Variants in SLC25A21 observed in about 807,000 individuals in gnomAD.
The protein encoded by SLC25A21 is mitochondrial 2-oxodicarboxylate carrier.
A neutral mutation model predicts 43.8 loss-of-function variants in SLC25A21; 47 were observed. That is an observed-to-expected ratio of 1.07 (90% CI 0.85 to 1.37). The LOEUF is 1.37. Ranked by LOEUF, SLC25A21 falls within the 40% of genes most tolerant of loss-of-function variation. The probability of loss-of-function intolerance (pLI) is 0.00; values close to 1 mark genes in which losing one functional copy is unlikely to be tolerated. For synonymous variants in SLC25A21, 131 were observed against 121.3 expected, an observed-to-expected ratio of 1.08 and a Z score of -0.52; for missense variants, 352 against 350.2, an observed-to-expected ratio of 1.00 and a Z score of -0.04.
chr14:37,100,726 T>C (rs944580340), intron 1 of SLC25A21, among the ~76,000 whole-genome samples: 8 of 152,194 alleles, frequency 5.3e-5, no homozygotes, highest in African/African-American at 1.9e-4. Context: ...CAGCTGCACA[T>C]GGAGACAGCA....
intron 7 of SLC25A21, among the ~76,000 whole-genome samples, chr14:36,689,274 C>T (rs561352528): frequency 4.6e-5 from 7 of 152,306 alleles, no homozygotes; most frequent in African/African-American, 1.4e-4. Flanking sequence ...CATGGGAAAA[C>T]CTGCCTCCAT....
chr14:36,790,809 A>G (rs893163051), intron 3 of SLC25A21, among the ~76,000 whole-genome samples: 11 of 152,130 alleles, frequency 7.2e-5, no homozygotes, highest in Admixed American at 6.6e-4. Flanking sequence ...GGAATTTGGG[A>G]AGGTTGGACT....
intron 6 of SLC25A21, among the ~76,000 whole-genome samples, chr14:36,716,376 TA>T (rs1431555646): frequency 6.6e-6 from 1 of 152,076 alleles, no homozygotes; most frequent in Admixed American, 6.5e-5. Flanking sequence ...TGTACTGTTT[TA>T]GGGATTTTTG....
Position 37,072,083 on chromosome 14 carries a change from G to A in SLC25A21, c.70+100198C>T, listed in dbSNP as rs201945527. Among the ~76,000 whole-genome samples, 16 of 147,516 alleles carry A rather than the reference G, an allele frequency of 1.1e-4. No individual in the cohort carries two copies. In the East Asian group the frequency reaches 2.6e-3, roughly 24 times the overall value. On this transcript the variant is annotated intron_variant, in intron 1 of 9. Coordinates refer to ENST00000331299, the MANE Select transcript of SLC25A21 (RefSeq NM_030631.4). ...TGTAATCCCAGCTACTCAGGAGGCC[G>A]AAGCAAGAGAATCACTTGAACCCAG...
At chr14:37,004,978 C>A (rs1391628743) in intron 1 of SLC25A21, among the ~76,000 whole-genome samples, 2 of 148,934 alleles carry the variant, frequency 1.3e-5, no homozygotes, top group Non-Finnish European at 3.0e-5. Flanking sequence ...GGCTGGAGTG[C>A]AGTGGCTTTA....
intron 2 of SLC25A21, among the ~76,000 whole-genome samples, chr14:36,834,363 C>T (rs1203191809): frequency 6.6e-6 from 1 of 152,152 alleles, no homozygotes; most frequent in Non-Finnish European, 1.5e-5. Flanking sequence ...TGGAGTCAGA[C>T]AGACCTGGGT....
chr14:36,714,091 A>G (rs1884010709), intron 6 of SLC25A21, among the ~76,000 whole-genome samples: 1 of 152,252 alleles, frequency 6.6e-6, no homozygotes, highest in Non-Finnish European at 1.5e-5. Flanking sequence ...GTCCACTGTA[A>G]ACAACTTAGT....
chr14:36,943,398 G>T (rs370544718), intron 1 of SLC25A21, among the ~76,000 whole-genome samples: 2 of 152,058 alleles, frequency 1.3e-5, no homozygotes, highest in South Asian at 4.2e-4. Flanking sequence ...CACCATGTTG[G>T]CCAGGCTGGT....
chr14:36,758,590 CAAAAA>C (rs11314165), intron 3 of SLC25A21, among the ~76,000 whole-genome samples: 5 of 127,690 alleles, frequency 3.9e-5, no homozygotes, highest in Admixed American at 8.2e-5. Context: ...TCAGCCAGGT[CAAAAA>C]AAAAAAAAAA....
chr14:36,898,343 A>G (rs1185670816), intron 1 of SLC25A21, among the ~76,000 whole-genome samples: 4 of 152,246 alleles, frequency 2.6e-5, no homozygotes, highest in African/African-American at 9.6e-5. Context: ...CAGGCACAGG[A>G]TATAATCTCC....
chr14:36,924,328 A>G (rs976873420), intron 1 of SLC25A21, among the ~76,000 whole-genome samples: 3 of 152,220 alleles, frequency 2.0e-5, no homozygotes, highest in African/African-American at 7.2e-5. Flanking sequence ...CATATACACC[A>G]TGGAATACTA....
chr14:37,034,055 C>A (rs1247093429), intron 1 of SLC25A21, among the ~76,000 whole-genome samples: 1 of 151,550 alleles, frequency 6.6e-6, no homozygotes, highest in Non-Finnish European at 1.5e-5. Context: ...CTCACTCTGT[C>A]GCCCAGGCTG....
chr14:36,907,348 T>TGTTG (rs138190273), intron 1 of SLC25A21, among the ~76,000 whole-genome samples: 8 of 152,162 alleles, frequency 5.3e-5, no homozygotes, highest in African/African-American at 1.2e-4. Context: ...TTGTTTGTTT[T>TGTTG]GTTGGTTGGT....
rs189901306 is a variant in SLC25A21 at position 36,988,910 on chromosome 14, G to C, written c.71-113906C>G. 2.7e-4 allele frequency among the ~76,000 whole-genome samples: 41 copies of C among 152,314 alleles called. No individual in the cohort carries two copies. In the East Asian group the frequency reaches 4.0e-3, roughly 15 times the overall value. On this transcript the variant is annotated intron_variant, in intron 1 of 9. Coordinates refer to ENST00000331299, the MANE Select transcript of SLC25A21 (RefSeq NM_030631.4). ...GCCAAACATCACATAGTTTGATAAT[G>C]ATGGGATGAAAATCTAGAATTATAG...
chr14:36,999,527 G>A (rs1375662094), intron 1 of SLC25A21, among the ~76,000 whole-genome samples: 2 of 152,122 alleles, frequency 1.3e-5, no homozygotes, highest in Admixed American at 1.3e-4. Context: ...TGATAATGAT[G>A]TGGCAATGTA....
At position 36,680,001 on chromosome 14, in the gene SLC25A21, T is replaced by TTAG; in HGVS notation, c.*656_*657insCTA. Reference sequence around the variant, plus strand: ...TTAAACAATGTTTTAAAATACCTATTTATTATCTTACAGCAATATGAGATA... The same window carrying TTAG: ...TTAAACAATGTTTTAAAATACCTATTTAGTATTATCTTACAGCAATATGAGATA... On this transcript the variant is annotated 3_prime_UTR_variant, in exon 10 of 10. Transcript: ENST00000331299. 2.5e-6 allele frequency: 2 copies of TTAG among 814,642 alleles called. No individual in the cohort carries two copies. Among genetic ancestry groups the TTAG allele is most frequent in the Non-Finnish European group, 2.8e-6 (2 of 702,120 alleles). 50.5% of individuals were successfully genotyped at this position (814,642 alleles called of 1,614,324 possible). A position where few individuals can be genotyped will look rare whatever the true frequency, so the allele number is the denominator to read the frequency against.
intron 1 of SLC25A21, among the ~76,000 whole-genome samples, chr14:37,103,252 C>T (rs1962850711): frequency 6.6e-6 from 1 of 152,050 alleles, no homozygotes; most frequent in African/African-American, 2.4e-5. Context: ...CTTCCTTTAC[C>T]AAAGGATAAA....
chr14:37,160,714 G>A, intron 1 of SLC25A21, among the ~76,000 whole-genome samples: 1 of 152,006 alleles, frequency 6.6e-6, no homozygotes, highest in Non-Finnish European at 1.5e-5. Flanking sequence ...CAGATCACTT[G>A]AGGTCAGGAG....
At chr14:36,766,219 GAAAC>G (rs1886410541) in intron 3 of SLC25A21, among the ~76,000 whole-genome samples, 1 of 152,112 alleles carries the variant, frequency 6.6e-6, no homozygotes, top group African/African-American at 2.4e-5. Flanking sequence ...TCTAAAAAAT[GAAAC>G]AAATACAATA....
Sources: gnomAD v4.1 joint callset for allele counts (sites outside exome capture counted in the v4.1 genomes callset) on GRCh38, gnomAD v4.1.1 for gene constraint, MANE v1.5 for transcripts, NCBI Gene and HGNC (gene_info 2026-07-23, HGNC 2026-07-21) for gene names.